The following CHFR variants were observed in gnomAD, a reference collection of about 807,000 sequenced individuals.
CHFR encodes the protein E3 ubiquitin-protein ligase CHFR.
A neutral mutation model predicts 87.6 loss-of-function variants in CHFR; 57 were observed. The ratio of observed to expected loss-of-function variants is 0.65; its 90% CI spans 0.53 to 0.81. The LOEUF is 0.81. Among genes scored for constraint, CHFR ranks in the 30% least tolerant of loss-of-function variants. The pLI is 0.00. For synonymous variants in CHFR, 381 were observed against 359.2 expected (o/e 1.06, Z -0.69); for missense variants, 797 against 865.8 (o/e 0.92, Z 1.00).
chr12:132,856,577 T>C lies in CHFR; in HGVS notation c.1120A>G (p.Thr374Ala). 1 of 1,614,186 alleles carries C rather than the reference T, an allele frequency of 6.2e-7. No homozygotes were observed. Among genetic ancestry groups the C allele is most frequent in the East Asian group, 2.2e-5 (1 of 44,886 alleles). ...ACTTTGGGCTGCAGCATGTCTTGAG[T>C]GATTTTATTTCTGGCATCCATACTT... is the stretch of plus-strand genomic sequence containing the variant. The part of the protein sequence containing the change: ...VQSMDARNKI[T>A]QDMLQPKVRR... Residue 374 changes from threonine (T) to alanine (A), a missense_variant, in exon 10 of 18, where the codon ACT (threonine) becomes GCT (alanine). Physicochemically the swap from Thr to Ala is moderately conservative, Grantham distance 58. Around this residue, in one of 2 missense-constraint regions of CHFR, gnomAD observed 597 missense variants for 601.2 expected, o/e 0.99. Coordinates refer to ENST00000450056, the MANE Select transcript of CHFR (RefSeq NM_001161346.2).
At chr12:132,877,450 A>G (rs1566203030) in intron 3 of CHFR, 105 bp downstream of exon 3, 1 of 639,396 alleles carries the variant, frequency 1.6e-6, no homozygotes, top group Non-Finnish European at 2.7e-6. Flanking sequence ...CACACTAAAG[A>G]CAGCATTTCT....
chr12:132,859,185 G>T lies in CHFR; in HGVS notation c.794C>A (p.Pro265Gln). Reference sequence around the variant, plus strand: ...GTGGACGGTTTGGGCATTTCTACGCGGTTGTGCGACCAACAACTGCCCGTT... The same window carrying T: ...GTGGACGGTTTGGGCATTTCTACGCTGTTGTGCGACCAACAACTGCCCGTT... ...DLNGQLLVAQ[P>Q]RRNAQTVHED... The change falls in exon 8 of 18, where the codon CCG becomes CAG. Residue 265 changes from proline to glutamine, a missense_variant. Transcript: ENST00000450056. 2 of 1,613,876 alleles carry T rather than the reference G, an allele frequency of 1.2e-6. No individual in the cohort carries two copies. Among genetic ancestry groups the T allele is most frequent in the Non-Finnish European group, 1.7e-6 (2 of 1,179,918 alleles).
In CHFR at chr12:132,836,851, A is replaced by C. The variant is rs1381127530; in HGVS notation, c.*4703T>G. ...AGTAGCCAACTGGTCAGTGATCAGT[A>C]GATGCTGCCCTGGGGCCAAACATTT... is the stretch of plus-strand genomic sequence containing the variant. On this transcript the variant is annotated 3_prime_UTR_variant, in exon 18 of 18. Transcript: ENST00000450056. The C allele has an allele frequency of 2.3e-6, 1 of 441,322 alleles. No individual in the cohort carries two copies. The highest frequency in any genetic ancestry group is 2.0e-5 in the African/African-American group (1 of 49,780). The allele number at this position is 441,322 out of a possible 1,614,324, so 27.3% of individuals were successfully genotyped here.
At chr12:132,883,508 G>A (rs1415616482) in intron 2 of CHFR, among the ~76,000 whole-genome samples, 2 of 149,376 alleles carry the variant, frequency 1.3e-5, no homozygotes, top group African/African-American at 4.9e-5. Flanking sequence ...GGTGGATCAT[G>A]AGGTCAGGAG....
chr12:132,861,681 G>T, intron 6 of CHFR, 47 bp from the exon 7 acceptor site: 1 of 1,579,396 alleles, frequency 6.3e-7, no homozygotes. Context: ...TCCAGCTCAG[G>T]AGAGAACCAT....
chr12:132,875,799 C>A (rs1341636672), intron 3 of CHFR, among the ~76,000 whole-genome samples: 1 of 152,052 alleles, frequency 6.6e-6, no homozygotes, highest in East Asian at 1.9e-4. Flanking sequence ...AGGGAAGTGA[C>A]AAAGAAACTA....
rs1189938925 is a variant in CHFR at position 132,855,853 on chromosome 12, G to T, written c.1229+615C>A. Among the ~76,000 whole-genome samples the T allele has an allele frequency of 2.6e-5, 4 of 151,000 alleles. No individual in the cohort carries two copies. In the East Asian group the frequency reaches 5.9e-4, roughly 22 times the overall value. On this transcript the variant is annotated intron_variant, in intron 10 of 17. Transcript: ENST00000450056. ...GGAAATAAAGATAAAAGTTTCAAGTGTTTTTTTTTGTCGTTCATTGTCTTT... is the reference window on the plus strand; with the variant it reads ...GGAAATAAAGATAAAAGTTTCAAGTTTTTTTTTTTGTCGTTCATTGTCTTT...
rs371886985 is a variant in CHFR, at chr12:132,870,135, G to A, written c.404-337C>T. ...TGGGAGGCTGAGGCGGGTAGATCACGAGGTCAGGAGATCGAGGCCAACCTG... is the reference window on the plus strand; with the variant it reads ...TGGGAGGCTGAGGCGGGTAGATCACAAGGTCAGGAGATCGAGGCCAACCTG... On this transcript the variant is annotated intron_variant, in intron 5 of 17. Coordinates refer to ENST00000450056, the MANE Select transcript of CHFR (RefSeq NM_001161346.2). 9.9e-5 allele frequency among the ~76,000 whole-genome samples: 15 copies of A among 151,754 alleles called. No homozygotes were observed. The East Asian group carries it at 2.9e-3, about 30-fold the overall frequency.
intron 10 of CHFR, 55 bp from the exon 11 acceptor site, chr12:132,853,628 GC>G: frequency 6.8e-7 from 1 of 1,478,380 alleles, no homozygotes; most frequent in Admixed American, 2.8e-5. Context: ...CTCAGGTAGG[GC>G]CGGTGCAACG....
At chr12:132,856,376 C>T in intron 10 of CHFR, 92 bp downstream of exon 10, 2 of 1,373,226 alleles carry the variant, frequency 1.5e-6, no homozygotes, top group Non-Finnish European at 2.0e-6. Flanking sequence ...GATCTCAGGA[C>T]CCATGCTGTC....
In CHFR at chr12:132,869,603, T is replaced by C. The variant is rs771325511; in HGVS notation, c.583+16A>G. On this transcript the variant is annotated intron_variant, in intron 6 of 17. Coordinates refer to ENST00000450056, the MANE Select transcript of CHFR (RefSeq NM_001161346.2). The stretch of plus-strand genomic sequence containing the variant: ...CCATGCAACCAGCACCAAGACCTCA[T>C]GAGATGTGACCTCACCACAACTGGA... 9.2e-5 allele frequency: 141 copies of C among 1,531,106 alleles called. No homozygotes were observed. Among genetic ancestry groups the C allele is most frequent in the Non-Finnish European group, 1.2e-4 (139 of 1,128,462 alleles). The allele number at this position is 1,531,106 out of a possible 1,614,324, so 94.8% of individuals were successfully genotyped here.
chr12:132,856,714 C>A, intron 9 of CHFR, 84 bp from the exon 10 acceptor site: 1 of 1,446,100 alleles, frequency 6.9e-7, no homozygotes, highest in Non-Finnish European at 9.7e-7. Context: ...AGCTCGCGTG[C>A]GCAGTGCTGC....
At chr12:132,870,135 G>T (rs371886985) in intron 5 of CHFR, among the ~76,000 whole-genome samples, 1 of 151,634 alleles carries the variant, frequency 6.6e-6, no homozygotes, top group South Asian at 2.1e-4. Flanking sequence ...GGTAGATCAC[G>T]AGGTCAGGAG....
rs1950663652 is a variant in CHFR at position 132,838,337 on chromosome 12, A to T, written c.*3217T>A. On this transcript the variant is annotated 3_prime_UTR_variant, in exon 18 of 18. Coordinates refer to ENST00000450056, the MANE Select transcript of CHFR (RefSeq NM_001161346.2). ...GGCCTGAATCCCTCAGTCTGTTTTA[A>T]GCCAATCTGCCCAGACTTCCTGGCT... 6.6e-6 allele frequency: 1 copy of T among 152,340 alleles called. No individual in the cohort carries two copies. The highest frequency in any genetic ancestry group is 6.5e-5 in the Admixed American group (1 of 15,282). The allele number at this position is 152,340 out of a possible 1,614,324, so 9.4% of individuals were successfully genotyped here.
intron 17 of CHFR, among the ~76,000 whole-genome samples, chr12:132,841,954 T>A (rs1950711523): frequency 6.6e-6 from 1 of 151,742 alleles, no homozygotes; most frequent in South Asian, 2.1e-4. Flanking sequence ...TAAAAATATT[T>A]AAAAAATTAG....
chr12:132,857,992 C>G (rs1951121330), intron 8 of CHFR, among the ~76,000 whole-genome samples: 1 of 152,250 alleles, frequency 6.6e-6, no homozygotes, highest in Non-Finnish European at 1.5e-5. Context: ...GACCCACACA[C>G]TCAAAACTTG....
intron 3 of CHFR, among the ~76,000 whole-genome samples, chr12:132,875,489 G>C (rs11147135): frequency 6.6e-6 from 1 of 152,090 alleles, no homozygotes; most frequent in South Asian, 2.1e-4. Context: ...TAGGCGTGGC[G>C]GCGGGCACCT....
chr12:132,879,009 G>GTTT (rs71079148), intron 2 of CHFR, among the ~76,000 whole-genome samples: 2 of 121,842 alleles, frequency 1.6e-5, no homozygotes, highest in Non-Finnish European at 3.5e-5. Context: ...GTTTTTGTTT[G>GTTT]TTTTTTTTTT....
chr12:132,858,782 A>T (rs1951144087), intron 8 of CHFR, among the ~76,000 whole-genome samples: 1 of 150,626 alleles, frequency 6.6e-6, no homozygotes, highest in Non-Finnish European at 1.5e-5. Context: ...GAACATTAAA[A>T]AAAAAAAAAA....
Sources: allele counts gnomAD v4.1 joint callset (sites outside exome capture counted in the v4.1 genomes callset), GRCh38; gene constraint gnomAD v4.1.1; regional missense constraint gnomAD v4.1.1; transcripts MANE v1.5; gene names NCBI Gene and HGNC (gene_info 2026-07-23, HGNC 2026-07-21).